The following SH3RF3 variants were observed in gnomAD, a reference collection of about 807,000 sequenced individuals.
SH3RF3 encodes SH3 domain containing ring finger 3.
A neutral mutation model predicts 66.3 loss-of-function variants in SH3RF3; 29 were observed. The observed-to-expected ratio is 0.44, with a 90% CI of 0.33 to 0.60. The LOEUF is 0.60. SH3RF3 is among the 20% of genes least tolerant of loss of function. The pLI is 0.04. For missense variants in SH3RF3, 1,194 were observed against 1,190.9 expected (o/e 1.00, Z -0.04); for synonymous variants, 583 against 532.0 (o/e 1.10, Z -1.32).
chr2:109,292,879 T>C (rs1243782138), intron 1 of SH3RF3, among the ~76,000 whole-genome samples: 1 of 152,160 alleles, frequency 6.6e-6, no homozygotes, highest in Non-Finnish European at 1.5e-5. Context: ...ATTACAGGTG[T>C]GCACCAGCAT....
intron 7 of SH3RF3, among the ~76,000 whole-genome samples, chr2:109,438,998 GC>G (rs1677490236): frequency 2.0e-5 from 3 of 152,178 alleles, no homozygotes; most frequent in Non-Finnish European, 2.9e-5. Context: ...GCATCCCAGT[GC>G]AGTGGCCCTG....
At chr2:109,136,226 TAAAA>T (rs59898984) in intron 1 of SH3RF3, among the ~76,000 whole-genome samples, 1 of 150,978 alleles carries the variant, frequency 6.6e-6, no homozygotes, top group Non-Finnish European at 1.5e-5. Flanking sequence ...TGAGGTGCAT[TAAAA>T]AAAAACACAC....
At chr2:109,232,554 C>T (rs1558971760) in intron 1 of SH3RF3, among the ~76,000 whole-genome samples, 1 of 152,110 alleles carries the variant, frequency 6.6e-6, no homozygotes. Flanking sequence ...GTTCAATAAG[C>T]GTGGACCTTT....
At chr2:109,420,345 C>T (rs1228020427) in intron 5 of SH3RF3, among the ~76,000 whole-genome samples, 1 of 151,742 alleles carries the variant, frequency 6.6e-6, no homozygotes, top group African/African-American at 2.4e-5. Flanking sequence ...TGACATAATA[C>T]AGAAAGTTCT....
Position 109,130,032 on chromosome 2 carries a change from G to A in SH3RF3, c.492G>A (p.Pro164=), listed in dbSNP as rs1192615202. ...CGGCAGGCAGCACCCCGGGTTCCCC[G>A]GTTTTCCTCTCCGCGGCCGCGGGCA... ...GGAAGSTPGS[P]VFLSAAAGST... is the part of the protein sequence containing the mutation. Residue 164 remains proline, a synonymous_variant, in exon 1 of 10, where the codon CCG becomes CCA. Coordinates refer to ENST00000309415, the MANE Select transcript of SH3RF3 (RefSeq NM_001099289.3). The A allele has an allele frequency of 1.5e-6, 2 of 1,346,832 alleles. No individual in the cohort carries two copies. Among genetic ancestry groups the A allele is most frequent in the South Asian group, 1.9e-5 (1 of 53,166 alleles). The allele number at this position is 1,346,832 out of a possible 1,614,324, so 83.4% of individuals were successfully genotyped here. A position where few individuals can be genotyped will look rare whatever the true frequency, so the allele number is the denominator to read the frequency against.
At chr2:109,317,309 G>A (rs1179973230) in intron 1 of SH3RF3, among the ~76,000 whole-genome samples, 1 of 152,162 alleles carries the variant, frequency 6.6e-6, no homozygotes, top group Non-Finnish European at 1.5e-5. Flanking sequence ...CGACAGCAAT[G>A]CCTGTCCCTG....
chr2:109,471,880 A>G (rs1678522282), intron 8 of SH3RF3, among the ~76,000 whole-genome samples: 1 of 152,130 alleles, frequency 6.6e-6, no homozygotes, highest in South Asian at 2.1e-4. Context: ...ACACAGGGAG[A>G]GCAGATGCCT....
chr2:109,419,033 T>C lies in SH3RF3; in HGVS notation c.1300-506T>C, dbSNP rs574825480. ...AAAACCCTTGAAGCTTGGAGCACTT[T>C]GGGGTCTTGGGGGGAGGGGGGCACC... is the stretch of plus-strand genomic sequence containing the variant. On this transcript the variant is annotated intron_variant, in intron 4 of 9. Transcript: ENST00000309415. Among the ~76,000 whole-genome samples the C allele has an allele frequency of 1.1e-3, 169 of 152,270 alleles. 1 individual carries two copies. The highest frequency in any genetic ancestry group is 3.9e-3 in the African/African-American group (164 of 41,566).
At chr2:109,377,234 A>C (rs1311045662) in intron 3 of SH3RF3, among the ~76,000 whole-genome samples, 1 of 152,174 alleles carries the variant, frequency 6.6e-6, no homozygotes, top group Non-Finnish European at 1.5e-5. Flanking sequence ...AGAAGTGTGA[A>C]GCCTGAGGGT....
chr2:109,285,549 G>A (rs1455043897), intron 1 of SH3RF3, among the ~76,000 whole-genome samples: 2 of 152,206 alleles, frequency 1.3e-5, no homozygotes, highest in African/African-American at 2.4e-5. Flanking sequence ...CCTGGCGGTG[G>A]GAGCCCAGAG....
rs75360994 is a variant in SH3RF3 at position 109,144,208 on chromosome 2, C to T, written c.573+14095C>T. ...TAGATTTTAAGTATTTTCATGACAC[C>T]ACGAAGGTAACCACGTGAGGTGATA... On this transcript the variant is annotated intron_variant, in intron 1 of 9. Coordinates refer to ENST00000309415, the MANE Select transcript of SH3RF3 (RefSeq NM_001099289.3). Among the ~76,000 whole-genome samples, 480 of 152,250 alleles carry T rather than the reference C, an allele frequency of 3.2e-3. 2 individuals are homozygous for T. Among genetic ancestry groups the T allele is most frequent in the African/African-American group, 0.011 (457 of 41,536 alleles).
chr2:109,242,390 G>A (rs1415414361), intron 1 of SH3RF3, among the ~76,000 whole-genome samples: 6 of 152,248 alleles, frequency 3.9e-5, no homozygotes, highest in East Asian at 3.9e-4. Flanking sequence ...GTCGTGCCTC[G>A]TTGCAGATGG....
chr2:109,148,019 A>G (rs1677138977), intron 1 of SH3RF3, among the ~76,000 whole-genome samples: 1 of 152,178 alleles, frequency 6.6e-6, no homozygotes, highest in Non-Finnish European at 1.5e-5. Context: ...GGTATCATGG[A>G]CAAGGTCAGT....
intron 2 of SH3RF3, among the ~76,000 whole-genome samples, chr2:109,361,227 T>G (rs552249975): frequency 6.6e-6 from 1 of 152,340 alleles, no homozygotes; most frequent in Admixed American, 6.5e-5. Context: ...TTAAATTTTC[T>G]AATATTTTGT....
intron 1 of SH3RF3, among the ~76,000 whole-genome samples, chr2:109,332,346 G>T (rs917285806): frequency 6.6e-6 from 1 of 152,114 alleles, no homozygotes; most frequent in Admixed American, 6.5e-5. Context: ...GCGCCCAGGG[G>T]TGCTGCACTT....
chr2:109,202,463 C>G (rs1678698741), intron 1 of SH3RF3, among the ~76,000 whole-genome samples: 1 of 152,196 alleles, frequency 6.6e-6, no homozygotes, highest in African/African-American at 2.4e-5. Context: ...TTACACAGTA[C>G]TTTTTCTCTT....
At chr2:109,275,008 AC>A (rs1289620787) in intron 1 of SH3RF3, among the ~76,000 whole-genome samples, 2 of 152,352 alleles carry the variant, frequency 1.3e-5, no homozygotes, top group African/African-American at 2.4e-5. Context: ...AGTTCTAAGC[AC>A]CATTTATACT....
At chr2:109,416,904 C>CAAAAAA (rs59855463) in intron 4 of SH3RF3, among the ~76,000 whole-genome samples, 1 of 64,352 alleles carries the variant, frequency 1.6e-5, no homozygotes, top group Non-Finnish European at 3.4e-5. Flanking sequence ...GACTTCATCT[C>CAAAAAA]AAAAAAAAAA....
At chr2:109,297,084 G>A (rs189486740) in intron 1 of SH3RF3, among the ~76,000 whole-genome samples, 62 of 152,138 alleles carry the variant, frequency 4.1e-4, no homozygotes, top group Admixed American at 1.6e-3. Context: ...TCCAGGTGGG[G>A]GGTGACCGGG....
Sources: allele counts gnomAD v4.1 joint callset (sites outside exome capture counted in the v4.1 genomes callset), GRCh38; gene constraint gnomAD v4.1.1; transcripts MANE v1.5; gene names NCBI Gene and HGNC (gene_info 2026-07-23, HGNC 2026-07-21).